The following MTURN variants were observed in gnomAD, a reference collection of about 807,000 sequenced individuals.
MTURN encodes maturin.
A neutral mutation model predicts 14.9 loss-of-function variants in MTURN; 7 were observed. The ratio of observed to expected loss-of-function variants is 0.47; its 90% CI spans 0.27 to 0.88. The LOEUF (loss-of-function observed/expected upper bound fraction) is 0.88. Ranked by LOEUF, MTURN falls within the 40% of genes least tolerant of loss-of-function variation. The pLI, the probability that MTURN is intolerant of heterozygous loss-of-function variation, is 0.14. For synonymous variants in MTURN, 69 were observed against 72.5 expected (o/e 0.95, Z 0.25); for missense variants, 151 against 174.1 (o/e 0.87, Z 0.75).
rs33952294 is a variant in MTURN at position 30,140,415 on chromosome 7, G to GTGTGTGTATATATATATATATATATA, written c.162+5118_162+5119insGTGTGTATATATATATATATATATAT. On this transcript the variant is annotated intron_variant, in intron 1 of 2. Coordinates refer to ENST00000324453, the MANE Select transcript of MTURN (RefSeq NM_152793.3). ...GAGGGGTGTGTGTGTGTGTGTGTGT[G>GTGTGTGTATATATATATATATATATA]TATCCCCATTTGTGGTCTGAACACA... 6.7e-3 allele frequency among the ~76,000 whole-genome samples: 964 copies of GTGTGTGTATATATATATATATATATA among 143,686 alleles called. 6 individuals carry two copies. Among genetic ancestry groups the GTGTGTGTATATATATATATATATATA allele is most frequent in the East Asian group, 0.015 (72 of 4,768 alleles). 94.3% of individuals were successfully genotyped at this position (143,686 alleles called of 152,430 possible).
chr7:30,157,607 G>A lies in MTURN; in HGVS notation c.*59G>A, dbSNP rs1797307446. The A allele has an allele frequency of 3.8e-6, 5 of 1,309,474 alleles. No individual in the cohort carries two copies. Among genetic ancestry groups the A allele is most frequent in the Middle Eastern group, 2.5e-4 (1 of 3,926 alleles). The allele number at this position is 1,309,474 out of a possible 1,614,324, so 81.1% of individuals were successfully genotyped here. A position where few individuals can be genotyped will look rare whatever the true frequency, so the allele number is the denominator to read the frequency against. Reference sequence around the variant, plus strand: ...CCACAGTAACCTAGGTGGGGTCACTGCCCCTCCTGGGTTAGCATTTTGCAT... The same window carrying A: ...CCACAGTAACCTAGGTGGGGTCACTACCCCTCCTGGGTTAGCATTTTGCAT... On this transcript the variant is annotated 3_prime_UTR_variant, in exon 3 of 3. Transcript: ENST00000324453.
intron 1 of MTURN, among the ~76,000 whole-genome samples, chr7:30,140,704 C>G (rs1416501369): frequency 6.6e-6 from 1 of 152,018 alleles, no homozygotes; most frequent in Non-Finnish European, 1.5e-5. Flanking sequence ...ATTGGCTGTG[C>G]CTGTTCATAT....
Position 30,157,992 on chromosome 7 carries a change from TA to T in MTURN, c.*446del, listed in dbSNP as rs1325521873. 6.5e-6 allele frequency: 1 copy of T among 152,754 alleles called. No homozygotes were observed. Among genetic ancestry groups the T allele is most frequent in the African/African-American group, 2.4e-5 (1 of 41,454 alleles). The allele number at this position is 152,754 out of a possible 1,614,324, so 9.5% of individuals were successfully genotyped here. A position where few individuals can be genotyped will look rare whatever the true frequency, so the allele number is the denominator to read the frequency against. ...TTTTTATGTACTTTTTAAGTGTCCG[TA>T]AGTGAAAGGTTTTGCTTATAAAGCA... On this transcript the variant is annotated 3_prime_UTR_variant, in exon 3 of 3. Coordinates refer to ENST00000324453, the MANE Select transcript of MTURN (RefSeq NM_152793.3).
At chr7:30,147,785 G>A (rs1312653107) in intron 2 of MTURN, among the ~76,000 whole-genome samples, 1 of 152,084 alleles carries the variant, frequency 6.6e-6, no homozygotes, top group African/African-American at 2.4e-5. Context: ...ACTCTGATTT[G>A]CTTAAGCAAA....
At chr7:30,135,744 G>C (rs1796942370) in intron 1 of MTURN, among the ~76,000 whole-genome samples, 1 of 152,196 alleles carries the variant, frequency 6.6e-6, no homozygotes, top group South Asian at 2.1e-4. Flanking sequence ...CCACATCCAG[G>C]CGTCCCGTCC....
Position 30,158,525 on chromosome 7 carries a change from A to T in MTURN, c.*977A>T, listed in dbSNP as rs1178460745. 6.6e-6 allele frequency: 1 copy of T among 152,428 alleles called. No homozygotes were observed. The highest frequency in any genetic ancestry group is 1.5e-5 in the Non-Finnish European group (1 of 68,038). The allele number at this position is 152,428 out of a possible 1,614,324, so 9.4% of individuals were successfully genotyped here. A position where few individuals can be genotyped will look rare whatever the true frequency, so the allele number is the denominator to read the frequency against. ...TTTTATTTAAAAAAAAAAAGTCAAA[A>T]AAAGGATTCCATTGTGTAATTTATT... On this transcript the variant is annotated 3_prime_UTR_variant, in exon 3 of 3. Transcript: ENST00000324453.
intron 1 of MTURN, among the ~76,000 whole-genome samples, chr7:30,138,988 T>A (rs1797008754): frequency 6.6e-6 from 1 of 152,204 alleles, no homozygotes; most frequent in African/African-American, 2.4e-5. Flanking sequence ...TCTCACCCTC[T>A]TTTATTCTTC....
intron 1 of MTURN, among the ~76,000 whole-genome samples, chr7:30,138,847 G>T (rs555078866): frequency 1.3e-5 from 2 of 152,088 alleles, no homozygotes; most frequent in Non-Finnish European, 2.9e-5. Context: ...TGTGCCAAGC[G>T]CATTCCTGCC....
intron 1 of MTURN, among the ~76,000 whole-genome samples, chr7:30,139,053 AGACTC>A (rs1386557739): frequency 2.6e-5 from 4 of 152,198 alleles, no homozygotes; most frequent in Non-Finnish European, 1.5e-5. Context: ...CACTGCCACT[AGACTC>A]TAAGCTTCAT....
At chr7:30,151,148 G>C (rs1477630792) in intron 2 of MTURN, among the ~76,000 whole-genome samples, 5 of 152,180 alleles carry the variant, frequency 3.3e-5, no homozygotes, top group Non-Finnish European at 7.3e-5. Context: ...TGCTAATGTT[G>C]ATTGCTCAGA....
At chr7:30,145,546 T>C (rs1015191306) in intron 1 of MTURN, among the ~76,000 whole-genome samples, 1 of 152,156 alleles carries the variant, frequency 6.6e-6, no homozygotes, top group Admixed American at 6.5e-5. Flanking sequence ...CCTCTTAGTA[T>C]GTGTTAGATT....
At chr7:30,137,419 T>A (rs6973967) in intron 1 of MTURN, 1 of 335,182 alleles carries the variant, frequency 3.0e-6, no homozygotes, top group East Asian at 7.5e-5. Flanking sequence ...TATCCAACCA[T>A]CGTTCAGAAG....
intron 2 of MTURN, among the ~76,000 whole-genome samples, chr7:30,153,925 C>T (rs1405056165): frequency 6.6e-6 from 1 of 152,142 alleles, no homozygotes; most frequent in African/African-American, 2.4e-5. Context: ...ACCATGTTGG[C>T]TAGGCTGGTC....
At chr7:30,151,855 G>C (rs978723792) in intron 2 of MTURN, among the ~76,000 whole-genome samples, 1 of 152,174 alleles carries the variant, frequency 6.6e-6, no homozygotes, top group African/African-American at 2.4e-5. Context: ...AGACATTTCT[G>C]CCAGAAAAAT....
chr7:30,160,664 C>T lies in MTURN; in HGVS notation c.*3116C>T, dbSNP rs538499168. The T allele has an allele frequency of 2.0e-5, 3 of 152,408 alleles. No individual in the cohort carries two copies. Among genetic ancestry groups the T allele is most frequent in the Middle Eastern group, 3.4e-3 (1 of 294 alleles). The allele number at this position is 152,408 out of a possible 1,614,324, so 9.4% of individuals were successfully genotyped here. On this transcript the variant is annotated 3_prime_UTR_variant, in exon 3 of 3. Coordinates refer to ENST00000324453, the MANE Select transcript of MTURN (RefSeq NM_152793.3). ...CTGGGCCAGCTCTGAAATCCAAAATCATGCCTTGATAACATTACAAAACCG... is the reference window on the plus strand; with the variant it reads ...CTGGGCCAGCTCTGAAATCCAAAATTATGCCTTGATAACATTACAAAACCG...
intron 2 of MTURN, among the ~76,000 whole-genome samples, chr7:30,149,791 A>C (rs991579085): frequency 6.6e-6 from 1 of 152,214 alleles, no homozygotes; most frequent in Non-Finnish European, 1.5e-5. Context: ...AATACATGGG[A>C]ATCTGATCAA....
intron 1 of MTURN, chr7:30,145,929 A>T (rs2128031698): frequency 6.4e-7 from 1 of 1,551,736 alleles, no homozygotes; most frequent in East Asian, 2.4e-5. Context: ...ACTGTGTAGG[A>T]GCAGATCTGA....
intron 2 of MTURN, among the ~76,000 whole-genome samples, chr7:30,148,635 A>C (rs904465068): frequency 1.3e-5 from 2 of 152,120 alleles, no homozygotes; most frequent in African/African-American, 4.8e-5. Context: ...AGATACCTTG[A>C]GAGTAGACCC....
intron 1 of MTURN, chr7:30,145,735 T>C (rs981712937): frequency 1.6e-6 from 2 of 1,221,732 alleles, no homozygotes; most frequent in Admixed American, 6.0e-5. Context: ...AAGAATGTCT[T>C]GTTCCAAGTT....
Sources: allele counts gnomAD v4.1 joint callset (sites outside exome capture counted in the v4.1 genomes callset), GRCh38; gene constraint gnomAD v4.1.1; transcripts MANE v1.5; gene names NCBI Gene and HGNC (gene_info 2026-07-23, HGNC 2026-07-21).